The following APP variants were observed in gnomAD, a reference collection of about 807,000 sequenced individuals.
APP encodes the protein amyloid-beta precursor protein.
A neutral mutation model predicts 101.4 loss-of-function variants in APP; 31 were observed. The observed-to-expected ratio is 0.31, with a 90% confidence interval of 0.23 to 0.41. APP has a LOEUF of 0.41. APP is among the 10% of genes least tolerant of loss of function. The pLI, the probability that APP is intolerant of heterozygous loss-of-function variation, is 1.00. For missense variants in APP, 839 were observed against 1,003.7 expected, an observed-to-expected ratio of 0.84 and a Z score of 2.22; for synonymous variants, 366 against 364.4, an observed-to-expected ratio of 1.00 and a Z score of -0.05.
intron 5 of APP, among the ~76,000 whole-genome samples, chr21:26,033,748 T>C (rs73896810): frequency 0.019 from 2,836 of 152,024 alleles, 75 homozygotes; most frequent in African/African-American, 0.066. Context: ...GGAGCGACAG[T>C]TGGGATGTGA....
intron 5 of APP, among the ~76,000 whole-genome samples, chr21:26,027,160 T>C (rs2044615713): frequency 6.6e-6 from 1 of 152,146 alleles, no homozygotes; most frequent in African/African-American, 2.4e-5. Flanking sequence ...CCAACCTACT[T>C]GCACTGATGA....
chr21:25,990,204 C>T (rs1238587996), intron 8 of APP, among the ~76,000 whole-genome samples: 1 of 152,162 alleles, frequency 6.6e-6, no homozygotes, highest in Non-Finnish European at 1.5e-5. Context: ...ATCAATGCAT[C>T]ACATGGACAT....
chr21:25,894,973 T>C (rs527938790), intron 16 of APP, among the ~76,000 whole-genome samples: 1 of 152,268 alleles, frequency 6.6e-6, no homozygotes, highest in East Asian at 1.9e-4. Context: ...AGCCACCACC[T>C]GGATTAGCCT....
chr21:26,076,471 G>A (rs4518042), intron 3 of APP, among the ~76,000 whole-genome samples: 1 of 152,092 alleles, frequency 6.6e-6, no homozygotes, highest in Non-Finnish European at 1.5e-5. Flanking sequence ...TGAAGTTCCT[G>A]AACAAACACG....
chr21:26,132,064 T>C (rs2062808572), intron 1 of APP, among the ~76,000 whole-genome samples: 1 of 152,018 alleles, frequency 6.6e-6, no homozygotes, highest in Admixed American at 6.6e-5. Flanking sequence ...CAGAGTCAGT[T>C]AAAAAAATAA....
chr21:26,029,956 C>T (rs776972905), intron 5 of APP, among the ~76,000 whole-genome samples: 27 of 151,988 alleles, frequency 1.8e-4, no homozygotes, highest in Non-Finnish European at 3.4e-4. Context: ...TAGTGAATTT[C>T]TAAAAAAAAA....
intron 11 of APP, among the ~76,000 whole-genome samples, chr21:25,974,105 T>C (rs1395630960): frequency 6.6e-6 from 1 of 152,120 alleles, no homozygotes; most frequent in Admixed American, 6.6e-5. Flanking sequence ...CTGAAAACCA[T>C]GAATAAGTCT....
At chr21:26,165,749 G>C (rs1388539941) in intron 1 of APP, among the ~76,000 whole-genome samples, 1 of 152,112 alleles carries the variant, frequency 6.6e-6, no homozygotes, top group Non-Finnish European at 1.5e-5. Flanking sequence ...TCAACATGTA[G>C]CCACACAAAA....
chr21:26,025,847 T>C (rs1049271154), intron 5 of APP, among the ~76,000 whole-genome samples: 1 of 152,260 alleles, frequency 6.6e-6, no homozygotes, highest in African/African-American at 2.4e-5. Flanking sequence ...GAATTAAATT[T>C]AGATGTCCAT....
At chr21:26,046,885 C>T (rs1387780471) in intron 5 of APP, among the ~76,000 whole-genome samples, 2 of 152,082 alleles carry the variant, frequency 1.3e-5, no homozygotes, top group Admixed American at 1.3e-4. Flanking sequence ...TGAATTTTCC[C>T]ATGGAAAAAA....
intron 17 of APP, among the ~76,000 whole-genome samples, chr21:25,891,233 G>A (rs2037676428): frequency 6.6e-6 from 1 of 151,272 alleles, no homozygotes; most frequent in Non-Finnish European, 1.5e-5. Context: ...AACTTTAAAG[G>A]TAAGAGTCTG....
At chr21:25,912,793 T>G (rs2829983) in intron 13 of APP, among the ~76,000 whole-genome samples, 29,759 of 152,166 alleles carry the variant, frequency 0.2, 4,107 homozygotes, top group African/African-American at 0.39. Flanking sequence ...TTGACTTATC[T>G]TTTCTTACTG....
chr21:25,997,175 CA>C (rs2043088023), intron 8 of APP, 184 bp downstream of exon 8: 1 of 627,488 alleles, frequency 1.6e-6, no homozygotes. Context: ...GTTCTTAGCC[CA>C]ACATCTCAAG....
chr21:25,945,577 C>T (rs1478413404), intron 13 of APP: 1 of 197,312 alleles, frequency 5.1e-6, no homozygotes, highest in South Asian at 7.1e-5. Context: ...TGTGGTACTA[C>T]AGTAAGCACA....
At position 26,146,038 on chromosome 21, in the gene APP, A is replaced by T. The variant is rs957098174; in HGVS notation, c.57+24526T>A. Among the ~76,000 whole-genome samples the T allele has an allele frequency of 3.9e-5, 6 of 152,356 alleles. No individual in the cohort carries two copies. In the East Asian group the frequency reaches 1.2e-3, roughly 29 times the overall value. On this transcript the variant is annotated intron_variant, in intron 1 of 17. Transcript: ENST00000346798. ...AATTCCTAGATCAAGGGATATGTACATAAAATTCTAAATGACTGATCTAAA... is the reference window on the plus strand; with the variant it reads ...AATTCCTAGATCAAGGGATATGTACTTAAAATTCTAAATGACTGATCTAAA...
At chr21:26,117,612 A>C (rs1422611427) in intron 1 of APP, among the ~76,000 whole-genome samples, 1 of 152,230 alleles carries the variant, frequency 6.6e-6, no homozygotes, top group African/African-American at 2.4e-5. Flanking sequence ...GGGTTCTGTT[A>C]ATGTGACCGG....
At chr21:26,067,435 T>C (rs1256669739) in intron 3 of APP, among the ~76,000 whole-genome samples, 3 of 151,928 alleles carry the variant, frequency 2.0e-5, no homozygotes, top group Admixed American at 6.6e-5. Flanking sequence ...TTTCAAGGAG[T>C]AGTGACTTGA....
intron 3 of APP, among the ~76,000 whole-genome samples, chr21:26,066,452 AAAC>A (rs1346160683): frequency 1.3e-5 from 2 of 151,670 alleles, no homozygotes; most frequent in East Asian, 3.9e-4. Context: ...GCACACCATT[AAAC>A]AACTCCCCAT....
At chr21:26,064,339 G>C (rs901164087) in intron 3 of APP, among the ~76,000 whole-genome samples, 1 of 152,152 alleles carries the variant, frequency 6.6e-6, no homozygotes, top group Admixed American at 6.5e-5. Flanking sequence ...GGGAAAACTG[G>C]ATGCAAAGCC....
Sources: allele counts gnomAD v4.1 joint callset (sites outside exome capture counted in the v4.1 genomes callset), GRCh38; gene constraint gnomAD v4.1.1; transcripts MANE v1.5; gene names NCBI Gene and HGNC (gene_info 2026-07-23, HGNC 2026-07-21).